The following ZNF486 variants were observed in gnomAD, a reference collection of about 807,000 sequenced individuals.
ZNF486 encodes KRAB box only protein 2.
Under a neutral mutation model 12.8 loss-of-function variants are expected in ZNF486, and 12 were observed. That is an observed-to-expected ratio of 0.94 (90% CI 0.60 to 1.52). The LOEUF is 1.52. Among genes scored for constraint, ZNF486 ranks in the 40% most tolerant of loss-of-function variants. The pLI is 0.00. For missense variants in ZNF486, 738 were observed against 545.0 expected (o/e 1.35, Z -3.53); for synonymous variants, 231 against 184.9 (o/e 1.25, Z -2.02).
chr19:20,184,320 A>C (rs782127396), intron 1 of ZNF486, 36 bp from the exon 2 acceptor site: 1 of 1,608,626 alleles, frequency 6.2e-7, no homozygotes, highest in Non-Finnish European at 8.5e-7. Context: ...ACCAACGGCG[A>C]CTTGGTGAAA....
Position 20,197,517 on chromosome 19 carries a change from A to G in ZNF486, c.807A>G (p.Glu269=). ...GTGGAGAGAAACCCTACATTTGTGAAGAATGTGGCAAAGCCTTTATGTACC... is the reference window on the plus strand; with the variant it reads ...GTGGAGAGAAACCCTACATTTGTGAGGAATGTGGCAAAGCCTTTATGTACC... ...IHSGEKPYIC[E]ECGKAFMYPY... Residue 269 remains glutamate (E), a synonymous_variant, in exon 4 of 4, where the codon GAA becomes GAG. Transcript: ENST00000335117. The G allele has an allele frequency of 6.2e-7, 1 of 1,612,516 alleles. No individual in the cohort carries two copies. The highest frequency in any genetic ancestry group is 8.5e-7 in the Non-Finnish European group (1 of 1,179,298).
chr19:20,184,279 C>T lies in ZNF486; in HGVS notation c.31-77C>T, dbSNP rs2089817454. The T allele has an allele frequency of 5.6e-6, 9 of 1,593,698 alleles. No homozygotes were observed. In the Admixed American group the frequency reaches 1.0e-4, roughly 18 times the overall value. On this transcript the variant is annotated intron_variant, in intron 1 of 3. Transcript: ENST00000335117. ...CTATAAGTAAGAATCAGTTCTCTTACTCTCTCATTTCACCTTAAATTAAAA... is the reference window on the plus strand; with the variant it reads ...CTATAAGTAAGAATCAGTTCTCTTATTCTCTCATTTCACCTTAAATTAAAA...
chr19:20,169,270 A>G (rs1381100523), intron 1 of ZNF486, among the ~76,000 whole-genome samples: 1 of 152,172 alleles, frequency 6.6e-6, no homozygotes, highest in African/African-American at 2.4e-5. Context: ...ACGCGCCGTC[A>G]CGCCCGGCTA....
At chr19:20,188,438 T>G in intron 3 of ZNF486, 2 of 398,544 alleles carry the variant, frequency 5.0e-6, no homozygotes. Context: ...AATCCCAGGA[T>G]TTTGGGAGGC....
intron 3 of ZNF486, among the ~76,000 whole-genome samples, chr19:20,194,722 C>T (rs2089940978): frequency 6.6e-6 from 1 of 151,542 alleles, no homozygotes; most frequent in Non-Finnish European, 1.5e-5. Context: ...GATTGAAACT[C>T]TGTCTAAAAA....
chr19:20,191,133 T>A (rs2089897745), intron 3 of ZNF486, among the ~76,000 whole-genome samples: 1 of 152,154 alleles, frequency 6.6e-6, no homozygotes, highest in South Asian at 2.1e-4. Context: ...ACACACTTCT[T>A]ATAGTCTGTC....
At chr19:20,171,190 A>AGG (rs1599693332) in intron 1 of ZNF486, among the ~76,000 whole-genome samples, 2 of 152,294 alleles carry the variant, frequency 1.3e-5, no homozygotes, top group East Asian at 3.9e-4. Context: ...CCTGGAACAA[A>AGG]ACTCTGGGTG....
chr19:20,173,302 C>A (rs914374613), intron 1 of ZNF486, among the ~76,000 whole-genome samples: 6 of 152,082 alleles, frequency 3.9e-5, no homozygotes, highest in Non-Finnish European at 7.3e-5. Context: ...TATTCTAGCA[C>A]CATTTATTAA....
chr19:20,181,607 A>G (rs1368588590), intron 1 of ZNF486, among the ~76,000 whole-genome samples: 1 of 152,028 alleles, frequency 6.6e-6, no homozygotes, highest in Non-Finnish European at 1.5e-5. Context: ...ATTTTCTGTT[A>G]AAGCCAGTGT....
intron 3 of ZNF486, among the ~76,000 whole-genome samples, chr19:20,196,429 A>G (rs1225630371): frequency 6.6e-6 from 1 of 152,198 alleles, no homozygotes; most frequent in Non-Finnish European, 1.5e-5. Flanking sequence ...CCTGGGTTCA[A>G]GAAATTCTCA....
At chr19:20,187,223 T>G (rs1599710881) in intron 3 of ZNF486, among the ~76,000 whole-genome samples, 1 of 152,178 alleles carries the variant, frequency 6.6e-6, no homozygotes, top group Non-Finnish European at 1.5e-5. Context: ...ATACATACAC[T>G]TGTATGTTAA....
chr19:20,192,422 C>T (rs953652240), intron 3 of ZNF486, among the ~76,000 whole-genome samples: 9 of 152,054 alleles, frequency 5.9e-5, no homozygotes, highest in African/African-American at 2.2e-4. Flanking sequence ...TCTTCTTTGT[C>T]AGCCTCCCAA....
intron 1 of ZNF486, among the ~76,000 whole-genome samples, chr19:20,179,092 G>C (rs940357257): frequency 6.6e-6 from 1 of 151,944 alleles, no homozygotes; most frequent in African/African-American, 2.4e-5. Context: ...AGGTTCTTTT[G>C]GTTATCAAAC....
intron 1 of ZNF486, among the ~76,000 whole-genome samples, chr19:20,173,442 T>C (rs547322649): frequency 7.6e-4 from 116 of 152,248 alleles, no homozygotes; most frequent in Non-Finnish European, 1.4e-3. Flanking sequence ...TTATATAACA[T>C]CTTTCTCTCT....
chr19:20,184,260 G>C, intron 1 of ZNF486, 96 bp from the exon 2 acceptor site: 1 of 1,563,936 alleles, frequency 6.4e-7, no homozygotes, highest in Non-Finnish European at 8.7e-7. Context: ...AATCCTATAA[G>C]TAAGAATCAG....
At position 20,197,180 on chromosome 19, in the gene ZNF486, GT is replaced by G. The variant is rs1342193239; in HGVS notation, c.471del (p.Lys158AsnfsTer3). ...ACCCAGAGCAAAATATTTCAATGTGGTAAATATGTGAAAGTCTTTCATCAAT... is the reference window on the plus strand; with the variant it reads ...ACCCAGAGCAAAATATTTCAATGTGGAAATATGTGAAAGTCTTTCATCAAT... ...TTTQSKIFQC[G>X]KYVKVFHQFS... On this transcript the variant is annotated frameshift_variant, in exon 4 of 4. Transcript: ENST00000335117. LOFTEE classifies it low-confidence loss of function (END_TRUNC). 6.2e-6 allele frequency: 10 copies of G among 1,613,448 alleles called. No individual in the cohort carries two copies. In the Admixed American group the frequency reaches 8.3e-5, roughly 13 times the overall value.
At chr19:20,185,936 G>A (rs536459096) in intron 2 of ZNF486, 51 bp from the exon 3 acceptor site, 2 of 1,209,950 alleles carry the variant, frequency 1.7e-6, no homozygotes, top group Non-Finnish European at 2.2e-6. Flanking sequence ...TTACTAGCTT[G>A]TAATTGAGAA....
chr19:20,169,080 C>T (rs1194319255), intron 1 of ZNF486, among the ~76,000 whole-genome samples: 1 of 151,462 alleles, frequency 6.6e-6, no homozygotes, highest in African/African-American at 2.4e-5. Context: ...ACCTTGTGAT[C>T]CGCCTACCTC....
Position 20,169,966 on chromosome 19 carries a change from C to G in ZNF486, c.30+2606C>G, listed in dbSNP as rs568611738. Among the ~76,000 whole-genome samples, 194 of 149,336 alleles carry G rather than the reference C, an allele frequency of 1.3e-3. 1 individual carries two copies. The highest frequency in any genetic ancestry group is 4.5e-3 in the African/African-American group (183 of 40,374). On this transcript the variant is annotated intron_variant, in intron 1 of 3. Coordinates refer to ENST00000335117, the MANE Select transcript of ZNF486 (RefSeq NM_052852.4). The stretch of plus-strand genomic sequence containing the variant: ...AGTGCAGTGGCGCGATCTCGGCTCA[C>G]TGCAAGCTCCGCCTCCCGGGTTCAC...
Sources: gnomAD v4.1 joint callset for allele counts (sites outside exome capture counted in the v4.1 genomes callset) on GRCh38, gnomAD v4.1.1 for gene constraint, MANE v1.5 for transcripts, NCBI Gene and HGNC (gene_info 2026-07-23, HGNC 2026-07-21) for gene names.